CUX1: variants seen among roughly 807,000 people sequenced by gnomAD.
The protein encoded by CUX1 is cut like homeobox 1, also known as protein CASP.
CUX1 carries 31 observed loss-of-function variants against 158.8 expected under a neutral mutation model. The observed-to-expected ratio is 0.20, with a 90% confidence interval of 0.15 to 0.26. The LOEUF (loss-of-function observed/expected upper bound fraction) is 0.26. Among genes scored for constraint, CUX1 ranks in the 10% least tolerant of loss-of-function variants. The probability of loss-of-function intolerance (pLI) is 1.00; values close to 1 mark genes in which losing one functional copy is unlikely to be tolerated. For missense variants in CUX1, 1,589 were observed against 2,014.6 expected, an observed-to-expected ratio of 0.79 and a Z score of 4.04; for synonymous variants, 879 against 862.1, an observed-to-expected ratio of 1.02 and a Z score of -0.34.
chr7:102,123,409 A>G (rs1161668545), intron 8 of CUX1, among the ~76,000 whole-genome samples: 1 of 151,848 alleles, frequency 6.6e-6, no homozygotes, highest in Non-Finnish European at 1.5e-5. Context: ...GGAGATTGAG[A>G]CCATCCTGGC....
chr7:102,206,140 G>T (rs1446311616), intron 20 of CUX1, among the ~76,000 whole-genome samples: 3 of 152,200 alleles, frequency 2.0e-5, no homozygotes, highest in African/African-American at 7.2e-5. Flanking sequence ...TGTGGCAGTG[G>T]CTGCTGCTTC....
intron 2 of CUX1, among the ~76,000 whole-genome samples, chr7:101,917,809 G>A (rs1053064902): frequency 4.6e-5 from 7 of 151,994 alleles, no homozygotes; most frequent in South Asian, 4.1e-4. Flanking sequence ...CCCTTTCCTC[G>A]GTGACCATAT....
Position 102,257,331 on chromosome 7 carries a change from TTAGTC to T in CUX1, c.*8292_*8296del, listed in dbSNP as rs1790007078. ...CTTTTTTTTTTTCATTTTTCTCTAATTAGTCTATGCATTTCTCTCTCTCAAACCAT... is the reference window on the plus strand; with the variant it reads ...CTTTTTTTTTTTCATTTTTCTCTAATTATGCATTTCTCTCTCTCAAACCAT... On this transcript the variant is annotated 3_prime_UTR_variant, in exon 24 of 24. Coordinates refer to ENST00000292535, the MANE Select transcript of CUX1 (RefSeq NM_181552.4). 1.0e-6 allele frequency: 1 copy of T among 984,206 alleles called. No individual in the cohort carries two copies. The highest frequency in any genetic ancestry group is 1.8e-5 in the African/African-American group (1 of 56,890). The allele number at this position is 984,206 out of a possible 1,614,324, so 61.0% of individuals were successfully genotyped here.
At chr7:101,997,597 G>T (rs1212213738) in intron 2 of CUX1, among the ~76,000 whole-genome samples, 1 of 152,116 alleles carries the variant, frequency 6.6e-6, no homozygotes, top group Non-Finnish European at 1.5e-5. Flanking sequence ...TCCCGCCTCA[G>T]CCTCCCAAAG....
chr7:101,856,534 G>A (rs1415135783), intron 1 of CUX1, among the ~76,000 whole-genome samples: 2 of 152,180 alleles, frequency 1.3e-5, no homozygotes, highest in African/African-American at 2.4e-5. Context: ...CCTTCAGCGT[G>A]TCATGCGTTC....
chr7:102,272,974 T>C (rs575548318), intron 14 of CUX1, among the ~76,000 whole-genome samples: 1 of 152,288 alleles, frequency 6.6e-6, no homozygotes, highest in East Asian at 1.9e-4. Context: ...GGAAGCAACC[T>C]GAGCCTCCTT....
chr7:102,177,336 C>T (rs567520968), intron 10 of CUX1, among the ~76,000 whole-genome samples: 21 of 150,922 alleles, frequency 1.4e-4, no homozygotes, highest in African/African-American at 4.4e-4. Context: ...ATTGCTTGAA[C>T]GCAGGAGACG....
chr7:101,816,997 G>A (rs2130859660), upstream of CUX1: 1 of 984,328 alleles, frequency 1.0e-6, no homozygotes, highest in African/African-American at 1.7e-5. Flanking sequence ...TCTTTTGTGT[G>A]CCTGTGTCGG....
intron 3 of CUX1, among the ~76,000 whole-genome samples, chr7:102,036,935 A>G (rs545746747): frequency 6.6e-6 from 1 of 152,236 alleles, no homozygotes; most frequent in South Asian, 2.1e-4. Context: ...TGCTATCTGT[A>G]ATCCCAGCAC....
At chr7:102,152,107 G>C (rs1389145222) in intron 8 of CUX1, among the ~76,000 whole-genome samples, 1 of 152,170 alleles carries the variant, frequency 6.6e-6, no homozygotes, top group Non-Finnish European at 1.5e-5. Context: ...CTACTCGGGA[G>C]GCCAAGGCAG....
intron 2 of CUX1, among the ~76,000 whole-genome samples, chr7:101,999,508 T>C (rs17134968): frequency 0.01 from 1,574 of 152,290 alleles, 31 homozygotes; most frequent in African/African-American, 0.036. Context: ...TAAGACGACT[T>C]TTCTTTGATT....
intron 18 of CUX1, among the ~76,000 whole-genome samples, chr7:102,279,721 G>A (rs1158021576): frequency 6.6e-6 from 1 of 152,128 alleles, no homozygotes; most frequent in African/African-American, 2.4e-5. Context: ...CTGCCTGCTC[G>A]CATGACCACC....
chr7:101,957,374 T>G (rs922388737), intron 2 of CUX1, among the ~76,000 whole-genome samples: 2 of 152,200 alleles, frequency 1.3e-5, no homozygotes, highest in African/African-American at 4.8e-5. Context: ...GAGATTGGCT[T>G]TTTTCTTTGT....
intron 6 of CUX1, among the ~76,000 whole-genome samples, chr7:102,106,148 C>G (rs1375812558): frequency 7.9e-6 from 1 of 126,966 alleles, no homozygotes; most frequent in Non-Finnish European, 1.6e-5. Context: ...AGTGCAGTGT[C>G]GCAATCTTGG....
chr7:102,118,093 T>C (rs1831625947), intron 8 of CUX1, among the ~76,000 whole-genome samples: 1 of 152,276 alleles, frequency 6.6e-6, no homozygotes. Flanking sequence ...GATTTGTCAC[T>C]ATTCCGTCTG....
intron 21 of CUX1, among the ~76,000 whole-genome samples, chr7:102,232,753 A>G (rs1192607656): frequency 1.3e-5 from 2 of 152,182 alleles, no homozygotes; most frequent in Non-Finnish European, 2.9e-5. Context: ...TGTGCTCTCC[A>G]TAGCGAAATG....
intron 1 of CUX1, among the ~76,000 whole-genome samples, chr7:101,887,523 G>A (rs879854055): frequency 6.6e-6 from 1 of 152,000 alleles, no homozygotes; most frequent in African/African-American, 2.4e-5. Context: ...TGCCCAGGCT[G>A]GTCTTGAACT....
intron 2 of CUX1, among the ~76,000 whole-genome samples, chr7:102,012,756 A>G (rs1274283678): frequency 1.3e-5 from 2 of 151,954 alleles, no homozygotes; most frequent in Admixed American, 1.3e-4. Flanking sequence ...GTACAAATTT[A>G]ATGAAGGAAT....
chr7:102,048,154 G>A (rs1393422414), intron 3 of CUX1, among the ~76,000 whole-genome samples: 1 of 152,164 alleles, frequency 6.6e-6, no homozygotes, highest in African/African-American at 2.4e-5. Flanking sequence ...AACAGGAGGG[G>A]TAGCAGACAG....
Sources: gnomAD v4.1 joint callset for allele counts (sites outside exome capture counted in the v4.1 genomes callset) on GRCh38, gnomAD v4.1.1 for gene constraint, MANE v1.5 for transcripts, NCBI Gene and HGNC (gene_info 2026-07-23, HGNC 2026-07-21) for gene names.